Variants in SPICE1 observed in about 807,000 individuals in gnomAD.
SPICE1 encodes spindle and centriole-associated protein 1.
SPICE1 carries 75 observed loss-of-function variants against 102.7 expected under a neutral mutation model. The observed-to-expected ratio is 0.73, with a 90% CI of 0.61 to 0.88. The LOEUF (loss-of-function observed/expected upper bound fraction) is 0.88, where lower values mean the gene tolerates loss of function less well. Ranked by LOEUF, SPICE1 falls within the 40% of genes least tolerant of loss-of-function variation. The pLI is 0.00. For missense variants in SPICE1, 979 were observed against 1,020.1 expected (o/e 0.96, Z 0.55); for synonymous variants, 308 against 350.3 (o/e 0.88, Z 1.35).
Position 113,468,879 on chromosome 3 carries a change from C to T in SPICE1, c.772G>A (p.Ala258Thr), listed in dbSNP as rs751937464. Residue 258 changes from alanine to threonine, a missense_variant, in exon 9 of 18, where the codon GCT becomes ACT. Ala to Thr is a moderately conservative substitution (Grantham distance 58, BLOSUM62 0). Coordinates refer to ENST00000295872, the MANE Select transcript of SPICE1 (RefSeq NM_144718.4). Reference protein sequence around the residue: ...EQRAALNATNAVKRLQTRLQP... With the variant: ...EQRAALNATNTVKRLQTRLQP... The stretch of plus-strand genomic sequence containing the variant: ...AGCCTGGTTTGGAGTCTCTTGACAG[C>T]ATTGGTAGCATTCAGAGCAGCTAAA... 2.7e-5 allele frequency: 44 copies of T among 1,613,016 alleles called. No individual in the cohort carries two copies. The Admixed American group carries it at 7.0e-4, about 26-fold the overall frequency.
intron 7 of SPICE1, among the ~76,000 whole-genome samples, chr3:113,488,638 A>T (rs532896798): frequency 6.6e-6 from 1 of 152,308 alleles, no homozygotes; most frequent in South Asian, 2.1e-4. Flanking sequence ...AAAAAACTGC[A>T]TATTGGGTAC....
chr3:113,498,216 T>C (rs1473012982), intron 4 of SPICE1, among the ~76,000 whole-genome samples: 2 of 152,132 alleles, frequency 1.3e-5, no homozygotes, highest in African/African-American at 4.8e-5. Context: ...CCCTGACTGA[T>C]TCTAATGTGC....
intron 1 of SPICE1, among the ~76,000 whole-genome samples, chr3:113,513,790 C>T (rs1471317551): frequency 1.3e-5 from 2 of 152,200 alleles, no homozygotes; most frequent in African/African-American, 2.4e-5. Context: ...ACTCTTCACT[C>T]ACTGACTTCA....
intron 4 of SPICE1, among the ~76,000 whole-genome samples, chr3:113,496,450 A>T (rs1936887613): frequency 6.6e-6 from 1 of 152,216 alleles, no homozygotes; most frequent in Non-Finnish European, 1.5e-5. Flanking sequence ...GAAACTCGTC[A>T]TCTTAGCCCT....
chr3:113,491,130 C>A (rs1211368679), intron 6 of SPICE1, among the ~76,000 whole-genome samples: 1 of 152,220 alleles, frequency 6.6e-6, no homozygotes, highest in Non-Finnish European at 1.5e-5. Flanking sequence ...ACCTCAACTC[C>A]TGCTATTTCC....
intron 1 of SPICE1, among the ~76,000 whole-genome samples, chr3:113,507,381 T>C (rs1937133006): frequency 6.6e-6 from 1 of 152,112 alleles, no homozygotes. Flanking sequence ...ATGACTACTA[T>C]TGCAGACACT....
In SPICE1 at chr3:113,465,664, C is replaced by G; in HGVS notation, c.1276G>C (p.Ala426Pro). The G allele has an allele frequency of 1.2e-6, 2 of 1,613,406 alleles. No individual in the cohort carries two copies. ...AEILRLREEN[A>P]ATQARLQQYM... ...TCTCATCTGAGTACCTGTGTAGCAG[C>G]GTTTTCTTCTCTAAGACGAAGAATT... The change falls in exon 11 of 18, where the codon GCT becomes CCT. Residue 426 changes from alanine (A) to proline (P), a missense_variant. Transcript: ENST00000295872.
Position 113,457,282 on chromosome 3 carries a change from T to A in SPICE1, c.1511A>T (p.Glu504Val). 6.2e-7 allele frequency: 1 copy of A among 1,614,210 alleles called. No individual in the cohort carries two copies. The highest frequency in any genetic ancestry group is 1.7e-5 in the Admixed American group (1 of 60,026). ...CACCTGAGACAGTTTAACGGGCAAC[T>A]CTTCCTGTGGGAATTCAGCCACTTC... is the stretch of plus-strand genomic sequence containing the variant. ...REEVAEFPQE[E>V]LPVKLSQVPD... The change falls in exon 13 of 18, where the codon GAG (glutamate) becomes GTG (valine). Residue 504 changes from glutamate (E) to valine (V), a missense_variant. Physicochemically the swap from Glu to Val is moderately radical, Grantham distance 121 (BLOSUM62 -2). Transcript: ENST00000295872.
Position 113,465,721 on chromosome 3 carries a change from G to T in SPICE1, c.1219C>A (p.His407Asn). The T allele has an allele frequency of 6.2e-7, 1 of 1,613,812 alleles. No individual in the cohort carries two copies. The highest frequency in any genetic ancestry group is 8.5e-7 in the Non-Finnish European group (1 of 1,179,820). ...GTCAGAGCATCAATGAGCTCTCGATGATCACCTAATACTTGTTCCAGTTGT... is the reference window on the plus strand; with the variant it reads ...GTCAGAGCATCAATGAGCTCTCGATTATCACCTAATACTTGTTCCAGTTGT... The part of the protein sequence containing the change: ...RQQLEQVLGD[H>N]RELIDALTAE... Residue 407 changes from histidine to asparagine, a missense_variant, in exon 11 of 18, where the codon CAT (histidine) becomes AAT (asparagine). His to Asn is a moderately conservative substitution (Grantham distance 68). Transcript: ENST00000295872.
intron 6 of SPICE1, among the ~76,000 whole-genome samples, chr3:113,490,037 TC>T (rs1261346249): frequency 2.0e-5 from 3 of 152,066 alleles, no homozygotes. Context: ...AAGTAAGCAC[TC>T]AATAAATTTT....
At chr3:113,458,846 C>T (rs565758818) in intron 12 of SPICE1, among the ~76,000 whole-genome samples, 2 of 150,910 alleles carry the variant, frequency 1.3e-5, no homozygotes, top group South Asian at 2.1e-4. Flanking sequence ...AGGTGAAGAG[C>T]GCCTCTGCCC....
At chr3:113,461,032 G>C (rs1935921666) in intron 11 of SPICE1, among the ~76,000 whole-genome samples, 1 of 151,850 alleles carries the variant, frequency 6.6e-6, no homozygotes, top group African/African-American at 2.4e-5. Flanking sequence ...TAAATACCCT[G>C]CTATAACAAT....
chr3:113,499,257 T>C (rs896172408), intron 4 of SPICE1, 182 bp downstream of exon 4: 2 of 551,286 alleles, frequency 3.6e-6, no homozygotes, highest in South Asian at 3.8e-5. Context: ...GAACAGGAAT[T>C]CAAACCACCA....
chr3:113,467,051 CA>C (rs201709516), intron 10 of SPICE1, among the ~76,000 whole-genome samples: 3 of 149,232 alleles, frequency 2.0e-5, no homozygotes, highest in Non-Finnish European at 4.5e-5. Flanking sequence ...GACCCTGTCT[CA>C]AAAAAAAAGC....
At chr3:113,507,625 TC>T (rs1438752459) in intron 1 of SPICE1, among the ~76,000 whole-genome samples, 2 of 152,122 alleles carry the variant, frequency 1.3e-5, no homozygotes, top group Non-Finnish European at 2.9e-5. Context: ...GTATCTAATT[TC>T]AGCATTTACA....
chr3:113,490,909 T>G (rs920622011), intron 6 of SPICE1, among the ~76,000 whole-genome samples: 1 of 152,184 alleles, frequency 6.6e-6, no homozygotes, highest in South Asian at 2.1e-4. Context: ...TCCTTCCCTA[T>G]TGGCATGGCT....
At chr3:113,460,464 G>A in intron 12 of SPICE1, 153 bp downstream of exon 12, 1 of 985,018 alleles carries the variant, frequency 1.0e-6, no homozygotes. Flanking sequence ...TCCAATATTA[G>A]CTGGAAAAGT....
intron 6 of SPICE1, among the ~76,000 whole-genome samples, chr3:113,491,552 G>A (rs1486914910): frequency 3.4e-5 from 5 of 147,402 alleles, no homozygotes; most frequent in African/African-American, 1.0e-4. Context: ...GTGAATCCGG[G>A]AGGCACAGCT....
chr3:113,506,857 G>A (rs1489352238), intron 1 of SPICE1, among the ~76,000 whole-genome samples: 1 of 152,126 alleles, frequency 6.6e-6, no homozygotes, highest in African/African-American at 2.4e-5. Flanking sequence ...AAGAACTCTA[G>A]GAATGCAGAA....
Sources: allele counts gnomAD v4.1 joint callset (sites outside exome capture counted in the v4.1 genomes callset), GRCh38; gene constraint gnomAD v4.1.1; transcripts MANE v1.5; gene names NCBI Gene and HGNC (gene_info 2026-07-23, HGNC 2026-07-21).